Variants in CACNB2 observed in about 807,000 individuals in gnomAD.
The protein encoded by CACNB2 is voltage-dependent L-type calcium channel subunit beta-2.
Under a neutral mutation model 73.3 loss-of-function variants are expected in CACNB2, and 42 were observed. The observed-to-expected ratio is 0.57, with a 90% CI of 0.45 to 0.74. The LOEUF (loss-of-function observed/expected upper bound fraction) is 0.74, where lower values mean the gene tolerates loss of function less well. CACNB2 is among the 30% of genes least tolerant of loss of function. CACNB2 has a pLI of 0.00. For synonymous variants in CACNB2, 348 were observed against 310.3 expected (o/e 1.12, Z -1.28); for missense variants, 940 against 853.0 (o/e 1.10, Z -1.27).
At chr10:18,295,539 A>G (rs2039242932) in intron 2 of CACNB2, among the ~76,000 whole-genome samples, 2 of 152,232 alleles carry the variant, frequency 1.3e-5, no homozygotes, top group Admixed American at 1.3e-4. Context: ...GGTCCTACAT[A>G]TAACAATGAT....
chr10:18,150,855 C>CTTTTTTTTCTTT, intron 1 of CACNB2, 28 bp from the exon 2 acceptor site: 2 of 483,392 alleles, frequency 4.1e-6, no homozygotes, highest in Admixed American at 4.3e-5. Flanking sequence ...TCTTATTTGT[C>CTTTTTTTTCTTT]TTTTTTTTTT....
At chr10:18,520,703 T>C (rs542504258) in intron 9 of CACNB2, among the ~76,000 whole-genome samples, 12 of 152,356 alleles carry the variant, frequency 7.9e-5, no homozygotes, top group Middle Eastern at 3.4e-3. Flanking sequence ...CCTCGCTCAT[T>C]CTCACCCTGC....
At chr10:18,304,092 A>T (rs1418927666) in intron 2 of CACNB2, among the ~76,000 whole-genome samples, 1 of 152,116 alleles carries the variant, frequency 6.6e-6, no homozygotes, top group African/African-American at 2.4e-5. Flanking sequence ...AGTAGCTAGA[A>T]CTACAAGCTT....
chr10:18,337,181 G>A (rs2041040773), intron 2 of CACNB2, among the ~76,000 whole-genome samples: 1 of 151,898 alleles, frequency 6.6e-6, no homozygotes, highest in Admixed American at 6.6e-5. Context: ...CCAGACTGGT[G>A]TGTAGTAGCG....
intron 2 of CACNB2, among the ~76,000 whole-genome samples, chr10:18,239,859 G>A (rs940945490): frequency 1.4e-4 from 22 of 151,990 alleles, no homozygotes; most frequent in Admixed American, 2.0e-4. Context: ...GCTTTTATTT[G>A]TTTCAAATAA....
In CACNB2 at chr10:18,534,241, C is replaced by A. The variant is rs770486339; in HGVS notation, c.1206+14C>A. 6.2e-6 allele frequency: 10 copies of A among 1,600,762 alleles called. No individual in the cohort carries two copies. The highest frequency in any genetic ancestry group is 1.1e-5 in the South Asian group (1 of 90,806). Reference sequence around the variant, plus strand: ...TCTTCTCCTAAGGTAAGTAGGACTGCTACTGTTTGCTCTATAATCAAACTT... The same window carrying A: ...TCTTCTCCTAAGGTAAGTAGGACTGATACTGTTTGCTCTATAATCAAACTT... On this transcript the variant is annotated intron_variant, in intron 11 of 13. Coordinates refer to ENST00000324631, the MANE Select transcript of CACNB2 (RefSeq NM_201596.3).
intron 2 of CACNB2, chr10:18,256,858 T>G (rs2131578555): frequency 6.6e-6 from 1 of 151,508 alleles, no homozygotes; most frequent in South Asian, 2.1e-4. Flanking sequence ...GGTGGGAGGA[T>G]CACTGTGAGC....
At chr10:18,246,047 A>G (rs2036845955) in intron 2 of CACNB2, among the ~76,000 whole-genome samples, 1 of 152,116 alleles carries the variant, frequency 6.6e-6, no homozygotes, top group African/African-American at 2.4e-5. Context: ...GCTCCAGGTC[A>G]AAAGGTGCAG....
chr10:18,339,134 G>A (rs1484742588), intron 2 of CACNB2, among the ~76,000 whole-genome samples: 1 of 152,062 alleles, frequency 6.6e-6, no homozygotes, highest in African/African-American at 2.4e-5. Flanking sequence ...CCCTGGGTAT[G>A]TACTGAGGGG....
chr10:18,414,081 A>G (rs2044792156), intron 3 of CACNB2, among the ~76,000 whole-genome samples: 1 of 152,236 alleles, frequency 6.6e-6, no homozygotes, highest in Admixed American at 6.5e-5. Flanking sequence ...ATGTCCAGGG[A>G]CTGCAGAGCT....
intron 2 of CACNB2, among the ~76,000 whole-genome samples, chr10:18,180,295 G>A (rs949133259): frequency 2.0e-5 from 3 of 152,072 alleles, no homozygotes; most frequent in African/African-American, 7.2e-5. Flanking sequence ...GCCTGTGATG[G>A]GGCCATCTTC....
At chr10:18,449,151 G>A (rs2046888357) in intron 3 of CACNB2, among the ~76,000 whole-genome samples, 1 of 152,196 alleles carries the variant, frequency 6.6e-6, no homozygotes, top group Non-Finnish European at 1.5e-5. Context: ...TTGGGGGGCT[G>A]AGGCGGGTGG....
chr10:18,226,785 C>A (rs531095081), intron 2 of CACNB2, among the ~76,000 whole-genome samples: 22 of 152,268 alleles, frequency 1.4e-4, no homozygotes, highest in Non-Finnish European at 2.5e-4. Context: ...CAGGAAATAT[C>A]AAACCACCCC....
At chr10:18,252,934 T>C (rs1293306117) in intron 2 of CACNB2, among the ~76,000 whole-genome samples, 4 of 152,210 alleles carry the variant, frequency 2.6e-5, no homozygotes, top group Non-Finnish European at 4.4e-5. Flanking sequence ...TAATTAACCA[T>C]TATGTGATCC....
At chr10:18,307,482 G>A (rs541450277) in intron 2 of CACNB2, among the ~76,000 whole-genome samples, 14 of 152,190 alleles carry the variant, frequency 9.2e-5, no homozygotes, top group African/African-American at 2.9e-4. Context: ...ATATAAATGC[G>A]ATGCTTTTTC....
At chr10:18,265,560 T>C (rs1438149444) in intron 2 of CACNB2, among the ~76,000 whole-genome samples, 1 of 152,226 alleles carries the variant, frequency 6.6e-6, no homozygotes, top group Non-Finnish European at 1.5e-5. Flanking sequence ...GTGATTAGCA[T>C]AACAAAATCA....
At chr10:18,292,366 G>A (rs1294773948) in intron 2 of CACNB2, among the ~76,000 whole-genome samples, 1 of 152,142 alleles carries the variant, frequency 6.6e-6, no homozygotes, top group East Asian at 1.9e-4. Context: ...CCTTAATATT[G>A]TTTCAAGGTG....
intron 2 of CACNB2, among the ~76,000 whole-genome samples, chr10:18,305,120 C>A (rs1394838103): frequency 6.6e-6 from 1 of 152,160 alleles, no homozygotes; most frequent in African/African-American, 2.4e-5. Context: ...CTTATATTCT[C>A]CCCTGTGGGA....
intron 10 of CACNB2, 111 bp from the exon 11 acceptor site, chr10:18,533,965 A>G (rs993749995): frequency 1.1e-5 from 10 of 941,274 alleles, no homozygotes; most frequent in African/African-American, 4.9e-5. Flanking sequence ...TATTGCCTGT[A>G]AGCATTAACA....
Sources: gnomAD v4.1 joint callset for allele counts (sites outside exome capture counted in the v4.1 genomes callset) on GRCh38, gnomAD v4.1.1 for gene constraint, MANE v1.5 for transcripts, NCBI Gene and HGNC (gene_info 2026-07-23, HGNC 2026-07-21) for gene names.